CPT1C: variants seen among roughly 807,000 people sequenced by gnomAD.
The protein encoded by CPT1C is palmitoyl thioesterase CPT1C.
A neutral mutation model predicts 97.3 loss-of-function variants in CPT1C; 61 were observed. The ratio of observed to expected loss-of-function variants is 0.63; its 90% CI spans 0.51 to 0.78. CPT1C has a LOEUF of 0.78. Among genes scored for constraint, CPT1C ranks in the 30% least tolerant of loss-of-function variants. The pLI is 0.00. For synonymous variants in CPT1C, 469 were observed against 447.2 expected, an observed-to-expected ratio of 1.05 and a Z score of -0.61; for missense variants, 975 against 1,065.5, an observed-to-expected ratio of 0.92 and a Z score of 1.18.
chr19:49,703,481 G>A (rs1029438230), intron 7 of CPT1C, among the ~76,000 whole-genome samples: 2 of 150,582 alleles, frequency 1.3e-5, no homozygotes, highest in Admixed American at 6.6e-5. Flanking sequence ...ATTTACAGGC[G>A]TGAGCCACCA....
chr19:49,692,239 G>A lies in CPT1C; in HGVS notation c.-14G>A, dbSNP rs763363850. On this transcript the variant is annotated splice_region_variant and 5_prime_UTR_variant, in exon 3 of 20. Transcript: ENST00000598293. Reference sequence around the variant, plus strand: ...TGAAGTATGACTCTGCCCGACTCAGGGCTCCAGCGTGACATGGCTGAAGCG... The same window carrying A: ...TGAAGTATGACTCTGCCCGACTCAGAGCTCCAGCGTGACATGGCTGAAGCG... The A allele has an allele frequency of 2.5e-6, 4 of 1,612,986 alleles. No individual in the cohort carries two copies. The highest frequency in any genetic ancestry group is 1.7e-6 in the Non-Finnish European group (2 of 1,179,934).
At chr19:49,703,597 CT>C in intron 7 of CPT1C, among the ~76,000 whole-genome samples, 3 of 122,926 alleles carry the variant, frequency 2.4e-5, no homozygotes, top group Admixed American at 8.3e-5. Flanking sequence ...CCCTCCCTCC[CT>C]TCCTTCCTTC....
intron 3 of CPT1C, among the ~76,000 whole-genome samples, chr19:49,694,091 T>A (rs9797664): frequency 0.054 from 3,707 of 68,816 alleles, 67 homozygotes; most frequent in Admixed American, 0.085. Flanking sequence ...AAATAAAAAA[T>A]AAATAAATAA....
At chr19:49,701,276 T>C (rs2123286606) in intron 5 of CPT1C, 41 bp from the exon 6 acceptor site, 1 of 1,559,848 alleles carries the variant, frequency 6.4e-7, no homozygotes, top group Non-Finnish European at 8.7e-7. Context: ...ACTCCCTGGC[T>C]CCGGTGAGGG....
chr19:49,692,525 T>C, intron 3 of CPT1C, 132 bp downstream of exon 3: 2 of 1,158,702 alleles, frequency 1.7e-6, no homozygotes, highest in South Asian at 1.5e-5. Context: ...AGAATTTTGA[T>C]GTCTGCTCCC....
rs1341765028 is a variant in CPT1C at position 49,692,331 on chromosome 19, G to GTGC, written c.83_85dup (p.Leu28dup). The GTGC allele has an allele frequency of 6.2e-7, 1 of 1,614,136 alleles. No homozygotes were observed. The highest frequency in any genetic ancestry group is 1.1e-5 in the South Asian group (1 of 91,084). ...GGCTGAAGTGGAACTCAGTGCCCCT[G>GTGC]TGCTGCAGGAGATCTACCTCTCTGG... On this transcript the variant is annotated inframe_insertion, in exon 3 of 20. Coordinates refer to ENST00000598293, the MANE Select transcript of CPT1C (RefSeq NM_001199753.2).
In CPT1C at chr19:49,707,510, CCT is replaced by C. The variant is rs1409717405; in HGVS notation, c.1344-7_1344-6del. ...CTCTTGGTGACCCATCTGAACTCTC[CCT>C]GACAGCTGGTTTGACAAATCCTTCA... On this transcript the variant is annotated splice_region_variant and splice_polypyrimidine_tract_variant and intron_variant, in intron 12 of 19. Coordinates refer to ENST00000598293, the MANE Select transcript of CPT1C (RefSeq NM_001199753.2). 6.2e-7 allele frequency: 1 copy of C among 1,611,314 alleles called. No homozygotes were observed. Among genetic ancestry groups the C allele is most frequent in the South Asian group, 1.1e-5 (1 of 90,984 alleles).
chr19:49,709,546 C>G (rs545637226), intron 14 of CPT1C, among the ~76,000 whole-genome samples: 181 of 151,544 alleles, frequency 1.2e-3, no homozygotes, highest in Admixed American at 3.3e-3. Context: ...ACATGCCATC[C>G]CTATCCCCAT....
At chr19:49,700,876 T>A (rs2082978548) in intron 5 of CPT1C, 21 bp downstream of exon 5, 1 of 1,608,040 alleles carries the variant, frequency 6.2e-7, no homozygotes, top group African/African-American at 1.3e-5. Context: ...GGCATAGCCC[T>A]GCTCAGGCTC....
At position 49,692,303 on chromosome 19, in the gene CPT1C, C is replaced by T; in HGVS notation, c.51C>T (p.Asp17=). 3 of 1,614,100 alleles carry T rather than the reference C, an allele frequency of 1.9e-6. No homozygotes were observed. The highest frequency in any genetic ancestry group is 1.7e-6 in the Non-Finnish European group (2 of 1,180,014). Residue 17 remains aspartate, a synonymous_variant, in exon 3 of 20, where the codon GAC becomes GAT. Transcript: ENST00000598293. ...AVGFRPSLTS[D]GAEVELSAPV... is the part of the protein sequence containing the mutation. Reference sequence around the variant, plus strand: ...GCTTCCGACCCTCGCTGACCTCGGACGGGGCTGAAGTGGAACTCAGTGCCC... The same window carrying T: ...GCTTCCGACCCTCGCTGACCTCGGATGGGGCTGAAGTGGAACTCAGTGCCC...
At position 49,700,679 on chromosome 19, in the gene CPT1C, C is replaced by T. The variant is rs527241947; in HGVS notation, c.282-5C>T. Reference sequence around the variant, plus strand: ...CAGGCCCAGCCTCTGTTTCTCTCCCCGCAGGGGTGGACAACACCACGGGCT... The same window carrying T: ...CAGGCCCAGCCTCTGTTTCTCTCCCTGCAGGGGTGGACAACACCACGGGCT... On this transcript the variant is annotated splice_polypyrimidine_tract_variant and splice_region_variant and intron_variant, in intron 4 of 19. Coordinates refer to ENST00000598293, the MANE Select transcript of CPT1C (RefSeq NM_001199753.2). 8.7e-5 allele frequency: 139 copies of T among 1,606,688 alleles called. No homozygotes were observed. The highest frequency in any genetic ancestry group is 1.1e-4 in the Non-Finnish European group (130 of 1,179,896).
chr19:49,703,436 G>A (rs1309312818), intron 7 of CPT1C, among the ~76,000 whole-genome samples: 1 of 149,814 alleles, frequency 6.7e-6, no homozygotes, highest in South Asian at 2.1e-4. Context: ...TCCTGACCTC[G>A]TGATCCGCCT....
chr19:49,700,247 A>C (rs1274458308), intron 4 of CPT1C, among the ~76,000 whole-genome samples: 4 of 126,140 alleles, frequency 3.2e-5, no homozygotes, highest in African/African-American at 1.4e-4. Context: ...ACTCCATCCC[A>C]AAAACAAAAC....
Position 49,692,374 on chromosome 19 carries a change from G to C in CPT1C, c.122G>C (p.Arg41Thr), listed in dbSNP as rs1407539152. 5.6e-6 allele frequency: 9 copies of C among 1,614,046 alleles called. No homozygotes were observed. Among genetic ancestry groups the C allele is most frequent in the Non-Finnish European group, 6.8e-6 (8 of 1,180,024 alleles). The change falls in exon 3 of 20, where the codon AGG (arginine) becomes ACG (threonine). Residue 41 changes from arginine to threonine, a missense_variant. Physicochemically the swap from Arg to Thr is moderately conservative, Grantham distance 71. Coordinates refer to ENST00000598293, the MANE Select transcript of CPT1C (RefSeq NM_001199753.2). ...IYLSGLRSWKRHLSRFWNDFL... is the reference protein window; with the variant it reads ...IYLSGLRSWKTHLSRFWNDFL... ...CTCTCTGGCCTGCGCTCCTGGAAAA[G>C]GCATCTCTCACGTTTCTGGGTGAGG...
chr19:49,708,311 C>T (rs1208503611), intron 13 of CPT1C, among the ~76,000 whole-genome samples: 1 of 151,798 alleles, frequency 6.6e-6, no homozygotes, highest in African/African-American at 2.4e-5. Flanking sequence ...ATAATGAGAA[C>T]CTGTCTACAA....
intron 10 of CPT1C, 51 bp downstream of exon 10, chr19:49,705,349 A>G (rs751063542): frequency 6.9e-7 from 1 of 1,454,950 alleles, no homozygotes; most frequent in Admixed American, 2.1e-5. Context: ...TATAGTGGCT[A>G]AGAGCATGTT....
chr19:49,705,562 C>T (rs2083452898), intron 10 of CPT1C, among the ~76,000 whole-genome samples: 1 of 152,070 alleles, frequency 6.6e-6, no homozygotes, highest in African/African-American at 2.4e-5. Context: ...AGTTCGAGAC[C>T]AGCCTAGGGC....
rs774220469 is a variant in CPT1C, at chr19:49,700,673, T to A, written c.282-11T>A. On this transcript the variant is annotated splice_polypyrimidine_tract_variant and intron_variant, in intron 4 of 19. Transcript: ENST00000598293. Reference sequence around the variant, plus strand: ...GAGACCCAGGCCCAGCCTCTGTTTCTCTCCCCGCAGGGGTGGACAACACCA... The same window carrying A: ...GAGACCCAGGCCCAGCCTCTGTTTCACTCCCCGCAGGGGTGGACAACACCA... 6.2e-7 allele frequency: 1 copy of A among 1,605,130 alleles called. No homozygotes were observed. Among genetic ancestry groups the A allele is most frequent in the Non-Finnish European group, 8.5e-7 (1 of 1,179,392 alleles).
chr19:49,694,078 A>C (rs1344418168), intron 3 of CPT1C, among the ~76,000 whole-genome samples: 1 of 130,514 alleles, frequency 7.7e-6, no homozygotes, highest in Non-Finnish European at 1.7e-5. Flanking sequence ...AAAAAATAAA[A>C]TAAAATAAAA....
Sources: gnomAD v4.1 joint callset for allele counts (sites outside exome capture counted in the v4.1 genomes callset) on GRCh38, gnomAD v4.1.1 for gene constraint, MANE v1.5 for transcripts, NCBI Gene and HGNC (gene_info 2026-07-23, HGNC 2026-07-21) for gene names.